Variants in SLC4A7 observed in about 807,000 individuals in gnomAD.
SLC4A7 encodes the protein solute carrier family 4 member 7, also known as sodium bicarbonate cotransporter 3.
Under a neutral mutation model 137.6 loss-of-function variants are expected in SLC4A7, and 51 were observed. The ratio of observed to expected loss-of-function variants is 0.37; its 90% CI spans 0.30 to 0.47. The LOEUF is 0.47. SLC4A7 is among the 20% of genes least tolerant of loss of function. The probability of loss-of-function intolerance (pLI) is 1.00; values close to 1 mark genes in which losing one functional copy is unlikely to be tolerated. For synonymous variants in SLC4A7, 542 were observed against 518.6 expected (o/e 1.05, Z -0.61); for missense variants, 1,247 against 1,525.4 (o/e 0.82, Z 3.04).
At chr3:27,397,825 AAC>A (rs1376840316) in intron 17 of SLC4A7, 28 bp from the exon 18 acceptor site, 5 of 1,242,798 alleles carry the variant, frequency 4.0e-6, no homozygotes, top group South Asian at 1.3e-5. Flanking sequence ...TGTTAATATA[AAC>A]ACAGAAATAC....
chr3:27,397,399 C>CT (rs5847461), intron 18 of SLC4A7, among the ~76,000 whole-genome samples: 5,317 of 142,488 alleles, frequency 0.037, 257 homozygotes, highest in African/African-American at 0.12. Flanking sequence ...AGAGCAAAGA[C>CT]TTTTTTTTTT....
At chr3:27,468,915 C>T (rs2059122157) in intron 1 of SLC4A7, among the ~76,000 whole-genome samples, 1 of 152,018 alleles carries the variant, frequency 6.6e-6, no homozygotes, top group Non-Finnish European at 1.5e-5. Context: ...CCAGACCAGC[C>T]TGGCCATCAC....
At chr3:27,414,850 C>T (rs1369323905) in intron 11 of SLC4A7, among the ~76,000 whole-genome samples, 1 of 152,134 alleles carries the variant, frequency 6.6e-6, no homozygotes, top group Middle Eastern at 3.2e-3. Context: ...ACCTTTTTTG[C>T]CATATACACA....
At chr3:27,408,294 A>G (rs2053575478) in intron 13 of SLC4A7, among the ~76,000 whole-genome samples, 2 of 152,250 alleles carry the variant, frequency 1.3e-5, no homozygotes, top group Admixed American at 6.5e-5. Flanking sequence ...ACGGACAAAG[A>G]GGCAGCAATT....
chr3:27,411,673 G>T lies in SLC4A7; in HGVS notation c.1735C>A (p.His579Asn). The T allele has an allele frequency of 6.4e-7, 1 of 1,564,580 alleles. No individual in the cohort carries two copies. Among genetic ancestry groups the T allele is most frequent in the Non-Finnish European group, 8.7e-7 (1 of 1,151,914 alleles). ...LGETPKEAAH[H>N]AGPELQRTGR... is the part of the protein sequence containing the mutation. Reference sequence around the variant, plus strand: ...GTCCTCTGTAGCTCAGGCCCAGCATGATGAGCGGCCTCTTTAGGAGTCTCA... The same window carrying T: ...GTCCTCTGTAGCTCAGGCCCAGCATTATGAGCGGCCTCTTTAGGAGTCTCA... The change falls in exon 12 of 26, where the codon CAT (histidine) becomes AAT (asparagine). Residue 579 changes from histidine (H) to asparagine (N), a missense_variant. By Grantham distance (68) the His-to-Asn change is moderately conservative. Around this residue, in one of 6 missense-constraint regions of SLC4A7, gnomAD observed 499 missense variants for 664.2 expected, o/e 0.75. Coordinates refer to ENST00000454389, the MANE Select transcript of SLC4A7 (RefSeq NM_001321103.2).
intron 1 of SLC4A7, among the ~76,000 whole-genome samples, chr3:27,466,180 G>A (rs947347388): frequency 1.3e-5 from 2 of 150,528 alleles, no homozygotes; most frequent in South Asian, 2.1e-4. Flanking sequence ...GGCTGGGCGC[G>A]GTGGCTCACG....
chr3:27,443,282 G>A (rs548513252), intron 3 of SLC4A7, among the ~76,000 whole-genome samples: 1 of 151,688 alleles, frequency 6.6e-6, no homozygotes, highest in African/African-American at 2.4e-5. Context: ...CGCCCGCCTC[G>A]GCCTCTCAAA....
chr3:27,470,520 T>A (rs2059194817), intron 1 of SLC4A7, among the ~76,000 whole-genome samples: 2 of 151,508 alleles, frequency 1.3e-5, no homozygotes, highest in African/African-American at 4.9e-5. Context: ...TATTAATATA[T>A]AGGTATGTAT....
chr3:27,441,188 T>A (rs1026875469), intron 3 of SLC4A7, among the ~76,000 whole-genome samples: 1 of 152,244 alleles, frequency 6.6e-6, no homozygotes, highest in African/African-American at 2.4e-5. Context: ...CATGATATAT[T>A]ATCCTTTTTA....
chr3:27,416,957 A>G (rs1397154993), intron 11 of SLC4A7, among the ~76,000 whole-genome samples: 1 of 152,224 alleles, frequency 6.6e-6, no homozygotes, highest in Non-Finnish European at 1.5e-5. Context: ...ACCATTACGC[A>G]TATTTCTGAA....
intron 13 of SLC4A7, among the ~76,000 whole-genome samples, chr3:27,406,458 G>A (rs751539484): frequency 3.3e-5 from 5 of 152,120 alleles, no homozygotes; most frequent in Non-Finnish European, 5.9e-5. Context: ...TTATCTTTTG[G>A]CAGCATAAAG....
Position 27,436,421 on chromosome 3 carries a change from C to T in SLC4A7, c.556G>A (p.Asp186Asn), listed in dbSNP as rs760871899. Residue 186 changes from aspartate to asparagine, a missense_variant, in exon 5 of 26, where the codon GAT becomes AAT. Asp to Asn is a conservative substitution (Grantham distance 23). Transcript: ENST00000454389. The stretch of plus-strand genomic sequence containing the variant: ...TCATCTAGAGTGCTTGCTCTCATAT[C>T]CAGCATGACTGTTCCATTGAGGATG... ...SCILNGTVML[D>N]MRASTLDEIA... 1 of 1,613,080 alleles carries T rather than the reference C, an allele frequency of 6.2e-7. No individual in the cohort carries two copies. Among genetic ancestry groups the T allele is most frequent in the Admixed American group, 1.7e-5 (1 of 59,940 alleles).
chr3:27,401,055 A>T, intron 15 of SLC4A7, 186 bp from the exon 16 acceptor site: 1 of 433,764 alleles, frequency 2.3e-6, no homozygotes, highest in Non-Finnish European at 4.1e-6. Context: ...ATAGAAATAA[A>T]ATAAAACCAA....
At chr3:27,404,768 T>C in intron 14 of SLC4A7, 62 bp downstream of exon 14, 1 of 1,339,276 alleles carries the variant, frequency 7.5e-7, no homozygotes, top group Non-Finnish European at 1.0e-6. Context: ...ATAATTCCCT[T>C]CTAAGTTAAT....
At chr3:27,420,663 G>A (rs1371101038) in intron 10 of SLC4A7, 37 bp downstream of exon 10, 1 of 1,241,428 alleles carries the variant, frequency 8.1e-7, no homozygotes, top group South Asian at 1.2e-5. Context: ...TGCATAATTA[G>A]TGTCTACTTC....
chr3:27,454,528 C>T (rs1477907047), intron 1 of SLC4A7, among the ~76,000 whole-genome samples: 1 of 152,172 alleles, frequency 6.6e-6, no homozygotes, highest in Non-Finnish European at 1.5e-5. Context: ...CGCCTTACAG[C>T]ATTCACTTCC....
chr3:27,459,809 G>C (rs1336730340), intron 1 of SLC4A7, among the ~76,000 whole-genome samples: 1 of 151,784 alleles, frequency 6.6e-6, no homozygotes, highest in Non-Finnish European at 1.5e-5. Context: ...GTTGTGTCTT[G>C]TAACTCTTTA....
At position 27,385,889 on chromosome 3, in the gene SLC4A7, T is replaced by A. The variant is rs370261881; in HGVS notation, c.3492+3A>T. 38 of 1,536,162 alleles carry A rather than the reference T, an allele frequency of 2.5e-5. No individual in the cohort carries two copies. The highest frequency in any genetic ancestry group is 3.6e-6 in the Non-Finnish European group (4 of 1,118,894). On this transcript the variant is annotated splice_donor_region_variant and intron_variant, in intron 23 of 25. Coordinates refer to ENST00000454389, the MANE Select transcript of SLC4A7 (RefSeq NM_001321103.2). ...TGTAAGTTTAAAATTGTTATCTTTTTACCTCTTTCTCTTTTTTCTTTTTGT... is the reference window on the plus strand; with the variant it reads ...TGTAAGTTTAAAATTGTTATCTTTTAACCTCTTTCTCTTTTTTCTTTTTGT...
At position 27,400,792 on chromosome 3, in the gene SLC4A7, T is replaced by C. The variant is rs200933810; in HGVS notation, c.2399A>G (p.Asn800Ser). The change falls in exon 16 of 26, where the codon AAT (asparagine) becomes AGT (serine). Residue 800 changes from asparagine to serine, a missense_variant. Coordinates refer to ENST00000454389, the MANE Select transcript of SLC4A7 (RefSeq NM_001321103.2). ...AACAGTAAGATTTCTCCAGGAAATA[T>C]TGTGTGCTGTTATATTATCTTTCTT... is the stretch of plus-strand genomic sequence containing the variant. ...QWKKDNITAH[N>S]ISWRNLTVSE... is the part of the protein sequence containing the mutation. 11 of 1,604,570 alleles carry C rather than the reference T, an allele frequency of 6.9e-6. No individual in the cohort carries two copies. Among genetic ancestry groups the C allele is most frequent in the Admixed American group, 3.3e-5 (2 of 59,924 alleles).
Sources: gnomAD v4.1 joint callset for allele counts (sites outside exome capture counted in the v4.1 genomes callset) on GRCh38, gnomAD v4.1.1 for gene constraint, gnomAD v4.1.1 regional missense constraint, MANE v1.5 for transcripts, NCBI Gene and HGNC (gene_info 2026-07-23, HGNC 2026-07-21) for gene names.